PLCH1: variants seen among roughly 807,000 people sequenced by gnomAD.
The protein encoded by PLCH1 is 1-phosphatidylinositol 4,5-bisphosphate phosphodiesterase eta-1.
Under a neutral mutation model 126.7 loss-of-function variants are expected in PLCH1, and 60 were observed. That is an observed-to-expected ratio of 0.47 (90% CI 0.38 to 0.59). The LOEUF is 0.59. Among genes scored for constraint, PLCH1 ranks in the 20% least tolerant of loss-of-function variants. The probability of loss-of-function intolerance (pLI) is 0.00; values close to 1 mark genes in which losing one functional copy is unlikely to be tolerated. For missense variants in PLCH1, 1,723 were observed against 2,040.0 expected (o/e 0.84, Z 2.99); for synonymous variants, 719 against 734.9 (o/e 0.98, Z 0.35).
At chr3:155,478,870 AT>A (rs1713663952), downstream of PLCH1, among the ~76,000 whole-genome samples, 1 of 152,044 alleles carries the variant, frequency 6.6e-6, no homozygotes, top group African/African-American at 2.4e-5. Context: ...CATCCAACCT[AT>A]TTTCTTCTTT....
At chr3:155,501,553 G>A (rs939613199) in intron 13 of PLCH1, among the ~76,000 whole-genome samples, 6 of 152,152 alleles carry the variant, frequency 3.9e-5, no homozygotes, top group Admixed American at 1.3e-4. Context: ...AGCACTTTGG[G>A]GGGCTGAGGT....
intron 2 of PLCH1, among the ~76,000 whole-genome samples, chr3:155,610,047 C>G (rs958448643): frequency 6.6e-6 from 1 of 152,010 alleles, no homozygotes; most frequent in Non-Finnish European, 1.5e-5. Context: ...TCAAAGAACA[C>G]CCAGGAAATT....
chr3:155,637,533 C>A (rs191293591), intron 2 of PLCH1, among the ~76,000 whole-genome samples: 1 of 152,280 alleles, frequency 6.6e-6, no homozygotes, highest in East Asian at 1.9e-4. Context: ...ATTTTTTCCT[C>A]GAAGTGGGAA....
At chr3:155,539,003 C>T (rs1291361432) in intron 10 of PLCH1, among the ~76,000 whole-genome samples, 2 of 151,540 alleles carry the variant, frequency 1.3e-5, no homozygotes, top group Non-Finnish European at 2.9e-5. Flanking sequence ...CAAAAATCCT[C>T]AACCAAATAC....
chr3:155,557,839 C>T (rs537431047), intron 8 of PLCH1, among the ~76,000 whole-genome samples: 5 of 152,262 alleles, frequency 3.3e-5, no homozygotes, highest in South Asian at 4.2e-4. Context: ...AGCTTAAAGA[C>T]GTTCCACCCT....
chr3:155,537,201 CCAAAAAAAA>C (rs1723506884), intron 10 of PLCH1, among the ~76,000 whole-genome samples: 421 of 131,918 alleles, frequency 3.2e-3, no homozygotes, highest in African/African-American at 8.3e-3. Flanking sequence ...AAAAAAAAAA[CCAAAAAAAA>C]AAAAAAAAAA....
chr3:155,558,164 G>A (rs1017520641), intron 8 of PLCH1, among the ~76,000 whole-genome samples: 1 of 152,272 alleles, frequency 6.6e-6, no homozygotes, highest in Non-Finnish European at 1.5e-5. Context: ...TGAAAGTAGA[G>A]AGAACCTCCA....
At chr3:155,716,507 C>A (rs1747517548) in intron 1 of PLCH1, among the ~76,000 whole-genome samples, 2 of 152,150 alleles carry the variant, frequency 1.3e-5, no homozygotes, top group East Asian at 3.9e-4. Context: ...TCTGGGTAGG[C>A]CCCAGGAAGC....
chr3:155,500,621 C>T, intron 14 of PLCH1, 82 bp downstream of exon 14: 1 of 813,408 alleles, frequency 1.2e-6, no homozygotes, highest in Non-Finnish European at 2.1e-6. Context: ...ATTCTCTAGA[C>T]ATGTACAAGA....
chr3:155,700,462 T>C (rs1411086483), intron 2 of PLCH1, among the ~76,000 whole-genome samples: 1 of 152,236 alleles, frequency 6.6e-6, no homozygotes. Flanking sequence ...CAGTCCAAAA[T>C]GTTTCTAGTT....
At chr3:155,727,967 G>T (rs933628427) in intron 1 of PLCH1, among the ~76,000 whole-genome samples, 2 of 151,434 alleles carry the variant, frequency 1.3e-5, no homozygotes, top group African/African-American at 4.9e-5. Flanking sequence ...ATAACCAAAA[G>T]GCCCCTTCTC....
intron 9 of PLCH1, 74 bp downstream of exon 9, chr3:155,554,002 T>C: frequency 2.7e-6 from 4 of 1,466,618 alleles, no homozygotes; most frequent in Non-Finnish European, 3.8e-6. Context: ...GGATGTGGTT[T>C]TGTAGCTACG....
chr3:155,544,123 T>C (rs1724827625), intron 10 of PLCH1, among the ~76,000 whole-genome samples: 1 of 152,036 alleles, frequency 6.6e-6, no homozygotes, highest in African/African-American at 2.4e-5. Flanking sequence ...CCCATCAGTG[T>C]GCTGTATTCA....
intron 2 of PLCH1, among the ~76,000 whole-genome samples, chr3:155,634,846 C>G (rs189106060): frequency 2.4e-4 from 36 of 152,314 alleles, no homozygotes; most frequent in Non-Finnish European, 3.5e-4. Flanking sequence ...GAGTGGAGGA[C>G]TGGATACCTG....
At chr3:155,641,098 G>C (rs1739340227) in intron 2 of PLCH1, among the ~76,000 whole-genome samples, 1 of 151,598 alleles carries the variant, frequency 6.6e-6, no homozygotes, top group South Asian at 2.1e-4. Flanking sequence ...GACTATCATG[G>C]CTCTGCAATA....
rs181510265 is a variant in PLCH1 at position 155,541,913 on chromosome 3, C to T, written c.1362+7874G>A. Among the ~76,000 whole-genome samples, 48 of 152,214 alleles carry T rather than the reference C, an allele frequency of 3.2e-4. No homozygotes were observed. In the East Asian group the frequency reaches 8.1e-3, roughly 26 times the overall value. ...TTTGCTGGTGGGGGAGCCAAGATGG[C>T]CGAATAGGAACAGCTCCGGGTCTAC... On this transcript the variant is annotated intron_variant, in intron 10 of 22. Transcript: ENST00000460012.
chr3:155,529,632 T>C lies in PLCH1; in HGVS notation c.1363-5628A>G, dbSNP rs1722397385. ...AATATTTAATGCTATAAAAAGCTAA[T>C]GATCATCTGAACCTTTGGCAAATTG... On this transcript the variant is annotated intron_variant, in intron 10 of 22. Coordinates refer to ENST00000460012, the MANE Select transcript of PLCH1 (RefSeq NM_014996.4). 4.6e-5 allele frequency among the ~76,000 whole-genome samples: 7 copies of C among 152,354 alleles called. No individual in the cohort carries two copies. The South Asian group carries it at 1.0e-3, about 23-fold the overall frequency.
chr3:155,576,235 GCAAAA>G (rs888732930), intron 6 of PLCH1, among the ~76,000 whole-genome samples: 5 of 152,120 alleles, frequency 3.3e-5, no homozygotes, highest in African/African-American at 7.2e-5. Context: ...ATGAAACAAA[GCAAAA>G]CAAAACAAAA....
At chr3:155,616,967 T>TAGTTCCCCTAGAATC (rs1292743014) in intron 2 of PLCH1, among the ~76,000 whole-genome samples, 11 of 151,632 alleles carry the variant, frequency 7.3e-5, no homozygotes, top group Non-Finnish European at 1.3e-4. Flanking sequence ...AGAAACATAT[T>TAGTTCCCCTAGAATC]CAGTTTAATA....
Sources: gnomAD v4.1 joint callset for allele counts (sites outside exome capture counted in the v4.1 genomes callset) on GRCh38, gnomAD v4.1.1 for gene constraint, MANE v1.5 for transcripts, NCBI Gene and HGNC (gene_info 2026-07-23, HGNC 2026-07-21) for gene names.